FCHO1: variants seen among roughly 807,000 people sequenced by gnomAD.
FCHO1 encodes the protein F-BAR domain only protein 1.
FCHO1 carries 45 observed loss-of-function variants against 114.4 expected under a neutral mutation model. That is an observed-to-expected ratio of 0.39 (90% CI 0.31 to 0.50). The LOEUF (loss-of-function observed/expected upper bound fraction) is 0.50. FCHO1 is among the 20% of genes least tolerant of loss of function. The pLI, the probability that FCHO1 is intolerant of heterozygous loss-of-function variation, is 0.77. For missense variants in FCHO1, 1,042 were observed against 1,209.6 expected (o/e 0.86, Z 2.06); for synonymous variants, 480 against 488.9 (o/e 0.98, Z 0.24).
chr19:17,771,112 G>A (rs1006076358), intron 9 of FCHO1, among the ~76,000 whole-genome samples: 7 of 152,082 alleles, frequency 4.6e-5, no homozygotes, highest in African/African-American at 1.7e-4. Flanking sequence ...AATTAGCCGG[G>A]CGTAGTGGCA....
chr19:17,750,039 TGGGAGCTC>T (rs1344088688), upstream of FCHO1, among the ~76,000 whole-genome samples: 1 of 152,160 alleles, frequency 6.6e-6, no homozygotes, highest in Non-Finnish European at 1.5e-5. Context: ...ATTCCCAGGA[TGGGAGCTC>T]GGGTCTTGCC....
chr19:17,778,440 C>G (rs2092929278), intron 19 of FCHO1, 169 bp from the exon 20 acceptor site: 1 of 839,866 alleles, frequency 1.2e-6, no homozygotes, highest in Non-Finnish European at 1.8e-6. Flanking sequence ...ATGGGCCGGA[C>G]ATTTGTGGAG....
rs749348215 is a variant in FCHO1 at position 17,751,799 on chromosome 19, T to C, written c.-183+222T>C. On this transcript the variant is annotated intron_variant, in intron 1 of 28. Transcript: ENST00000596536. This position sits in a 1 kb window ranked among gnomAD's most constrained non-coding sequence, Gnocchi z 4.4. The stretch of plus-strand genomic sequence containing the variant: ...GGTTAGGGGGGCGGCAAGGGGAGCT[T>C]GGAAACCCAGAGAGCCACGCGTGAT... Among the ~76,000 whole-genome samples the C allele has an allele frequency of 1.3e-5, 2 of 152,218 alleles. No individual in the cohort carries two copies. Among genetic ancestry groups the C allele is most frequent in the Non-Finnish European group, 2.9e-5 (2 of 68,028 alleles).
intron 28 of FCHO1, among the ~76,000 whole-genome samples, 197 bp from the exon 29 acceptor site, chr19:17,788,087 C>T (rs2094071683): frequency 6.6e-6 from 1 of 151,296 alleles, no homozygotes; most frequent in Admixed American, 6.6e-5. Flanking sequence ...GTCCCCCCTG[C>T]CACCCCCTCC....
Position 17,774,253 on chromosome 19 carries a change from G to A in FCHO1, c.805G>A (p.Glu269Lys), listed in dbSNP as rs770875917. Residue 269 changes from glutamate (E) to lysine (K), a missense_variant, in exon 12 of 29, where the codon GAG becomes AAG. By Grantham distance (56) the Glu-to-Lys change is moderately conservative. This residue lies in a region of FCHO1 where 450 missense variants were observed against 564.1 expected (regional missense o/e 0.80). Transcript: ENST00000596536. ...GREKPGPLDF[E>K]AYSAAALQEA... ...TCCTGTCTCAGGACCTCTGGACTTC[G>A]AGGCATACAGTGCGGCTGCCCTGCA... The A allele has an allele frequency of 5.9e-5, 95 of 1,614,026 alleles. No homozygotes were observed. The highest frequency in any genetic ancestry group is 1.6e-4 in the African/African-American group (12 of 75,016).
chr19:17,787,620 G>A (rs902906749), intron 27 of FCHO1, 62 bp from the exon 28 acceptor site: 12 of 1,494,126 alleles, frequency 8.0e-6, no homozygotes, highest in African/African-American at 2.8e-5. Flanking sequence ...CCAAAGATGA[G>A]CCTGGTTCAC....
rs968010436 is a variant in FCHO1 at position 17,788,449 on chromosome 19, G to A, written c.*143G>A. ...CGGAGAGGAGCCCCATGCCCAGCCT[G>A]GCTGAGCCCGAGATTCGCTCCTCCC... On this transcript the variant is annotated 3_prime_UTR_variant, in exon 29 of 29. Transcript: ENST00000596536. 18 of 631,166 alleles carry A rather than the reference G, an allele frequency of 2.9e-5. No homozygotes were observed. The highest frequency in any genetic ancestry group is 4.8e-5 in the Non-Finnish European group (17 of 356,780). The allele number at this position is 631,166 out of a possible 1,614,324, so 39.1% of individuals were successfully genotyped here. A position where few individuals can be genotyped will look rare whatever the true frequency, so the allele number is the denominator to read the frequency against.
chr19:17,777,192 G>C (rs1425388199), intron 18 of FCHO1, among the ~76,000 whole-genome samples: 1 of 152,134 alleles, frequency 6.6e-6, no homozygotes, highest in African/African-American at 2.4e-5. Flanking sequence ...TCTGGGTTCT[G>C]AGACAGGTCT....
At chr19:17,765,895 T>TA (rs1022214172) in intron 6 of FCHO1, among the ~76,000 whole-genome samples, 7 of 135,404 alleles carry the variant, frequency 5.2e-5, no homozygotes, top group African/African-American at 1.9e-4. Context: ...TTTTTTTTTT[T>TA]TTTTTTTTTT....
chr19:17,778,654 C>A lies in FCHO1; in HGVS notation c.1397C>A (p.Ser466Tyr). The A allele has an allele frequency of 6.3e-7, 1 of 1,576,342 alleles. No individual in the cohort carries two copies. The highest frequency in any genetic ancestry group is 2.3e-5 in the East Asian group (1 of 42,610). Residue 466 changes from serine (S) to tyrosine (Y), a missense_variant, in exon 20 of 29, where the codon TCC becomes TAC. Transcript: ENST00000596536. ...GFTSSPSPFS[S>Y]SSPENVEDSG... is the part of the protein sequence containing the mutation. ...ACCTCCAGCCCCTCCCCTTTCTCCT[C>A]CTCGTCGCCCGAAAACGTGGAGGAT...
At chr19:17,777,994 G>C in intron 18 of FCHO1, 143 bp from the exon 19 acceptor site, 2 of 596,366 alleles carry the variant, frequency 3.4e-6, no homozygotes, top group South Asian at 2.0e-5. Context: ...AGCTGAGATC[G>C]TGCCACTGCA....
In FCHO1 at chr19:17,788,556, A is replaced by G; in HGVS notation, c.*250A>G. On this transcript the variant is annotated 3_prime_UTR_variant, in exon 29 of 29. Coordinates refer to ENST00000596536, the MANE Select transcript of FCHO1 (RefSeq NM_015122.3). ...TATTTTCTAATAAAATAAAAAAGGAAACCTTTTCCTGCTCCAGGAAGTATC... is the reference window on the plus strand; with the variant it reads ...TATTTTCTAATAAAATAAAAAAGGAGACCTTTTCCTGCTCCAGGAAGTATC... 1.9e-6 allele frequency: 1 copy of G among 520,628 alleles called. No homozygotes were observed. The highest frequency in any genetic ancestry group is 3.4e-6 in the Non-Finnish European group (1 of 296,308). The allele number at this position is 520,628 out of a possible 1,614,324, so 32.3% of individuals were successfully genotyped here.
Position 17,776,836 on chromosome 19 carries a change from C to G in FCHO1, c.1259+150C>G. Reference sequence around the variant, plus strand: ...TTGTTTTTGTTTTGAGACAGAGTCTCACTCTGTCACCCAGGCTGGAGTGCG... The same window carrying G: ...TTGTTTTTGTTTTGAGACAGAGTCTGACTCTGTCACCCAGGCTGGAGTGCG... On this transcript the variant is annotated intron_variant, in intron 18 of 28. Coordinates refer to ENST00000596536, the MANE Select transcript of FCHO1 (RefSeq NM_015122.3). This position sits in a 1 kb window ranked among gnomAD's most constrained non-coding sequence, Gnocchi z 4.4. 2.8e-6 allele frequency: 2 copies of G among 724,258 alleles called. No individual in the cohort carries two copies. Among genetic ancestry groups the G allele is most frequent in the Non-Finnish European group, 4.6e-6 (2 of 436,144 alleles). The allele number at this position is 724,258 out of a possible 1,614,324, so 44.9% of individuals were successfully genotyped here.
chr19:17,786,779 T>G (rs531381908), intron 27 of FCHO1, 150 bp downstream of exon 27: 3 of 812,052 alleles, frequency 3.7e-6, no homozygotes, highest in Non-Finnish European at 5.9e-6. Flanking sequence ...AGGGCCGGGC[T>G]GAGTGGCATA....
chr19:17,781,539 G>A lies in FCHO1; in HGVS notation c.1828G>A (p.Gly610Arg), dbSNP rs747787856. 8.1e-6 allele frequency: 13 copies of A among 1,613,764 alleles called. No homozygotes were observed. Among genetic ancestry groups the A allele is most frequent in the African/African-American group, 6.7e-5 (5 of 74,906 alleles). Residue 610 changes from glycine to arginine, a missense_variant and splice_region_variant, in exon 22 of 29, where the codon GGA (glycine) becomes AGA (arginine). Gly to Arg is a moderately radical substitution (Grantham distance 125, BLOSUM62 -2). Around this residue, in one of 3 missense-constraint regions of FCHO1, gnomAD observed 455 missense variants for 455.4 expected, o/e 1.00. Transcript: ENST00000596536. ...CAGCTTCTTATCCCAGACAGGACAC[G>A]GTATGTGAGGGCGGTCCTGGGCCTG... ...RPSFLSQTGH[G>R]VSRGPSPVVL...
At chr19:17,785,001 T>G in intron 26 of FCHO1, 77 bp downstream of exon 26, 1 of 1,436,614 alleles carries the variant, frequency 7.0e-7, no homozygotes, top group Non-Finnish European at 9.6e-7. Context: ...ATGCATTGAT[T>G]AAAGGGTGCA....
intron 4 of FCHO1, 128 bp from the exon 5 acceptor site, chr19:17,762,634 T>C (rs2086773730): frequency 2.6e-5 from 20 of 756,186 alleles, no homozygotes; most frequent in Non-Finnish European, 4.4e-5. Flanking sequence ...AGCAAGCTGA[T>C]TCGCTCAGGC....
rs1381107739 is a variant in FCHO1, at chr19:17,775,164, C to A, written c.945+84C>A. ...TTGGCTCCTAGAGTCCCGATCCCTACTGGAAACTAAAGAGCCGAGATTGAG... is the reference window on the plus strand; with the variant it reads ...TTGGCTCCTAGAGTCCCGATCCCTAATGGAAACTAAAGAGCCGAGATTGAG... On this transcript the variant is annotated intron_variant, in intron 14 of 28. Transcript: ENST00000596536. The surrounding 1 kb of genome is among the most constrained non-coding windows in gnomAD (Gnocchi z 5.1). 2.1e-6 allele frequency: 3 copies of A among 1,461,548 alleles called. No individual in the cohort carries two copies. The highest frequency in any genetic ancestry group is 1.9e-6 in the Non-Finnish European group (2 of 1,066,868). 90.5% of individuals were successfully genotyped at this position (1,461,548 alleles called of 1,614,324 possible). A position where few individuals can be genotyped will look rare whatever the true frequency, so the allele number is the denominator to read the frequency against.
chr19:17,774,312 G>T, intron 12 of FCHO1, 29 bp downstream of exon 12: 2 of 1,613,730 alleles, frequency 1.2e-6, no homozygotes, highest in Non-Finnish European at 8.5e-7. Context: ...GGATGCCCAG[G>T]CTGGACCATG....
Sources: allele counts gnomAD v4.1 joint callset (sites outside exome capture counted in the v4.1 genomes callset), GRCh38; gene constraint gnomAD v4.1.1; regional missense constraint gnomAD v4.1.1; non-coding constraint Gnocchi (gnomAD v3.1); transcripts MANE v1.5; gene names NCBI Gene and HGNC (gene_info 2026-07-23, HGNC 2026-07-21).